The following UNKL variants were observed in gnomAD, a reference collection of about 807,000 sequenced individuals.
UNKL encodes unk like zinc finger, also known as putative E3 ubiquitin-protein ligase UNKL.
UNKL carries 60 observed loss-of-function variants against 78.0 expected under a neutral mutation model. The observed-to-expected ratio is 0.77, with a 90% CI of 0.63 to 0.95. The LOEUF is 0.95. UNKL is among the 40% of genes least tolerant of loss of function. The pLI is 0.00. For missense variants in UNKL, 1,159 were observed against 1,045.7 expected, an observed-to-expected ratio of 1.11 and a Z score of -1.49; for synonymous variants, 608 against 474.8, an observed-to-expected ratio of 1.28 and a Z score of -3.65.
chr16:1,393,501 C>A (rs927303989), intron 7 of UNKL, among the ~76,000 whole-genome samples: 1 of 152,160 alleles, frequency 6.6e-6, no homozygotes, highest in Non-Finnish European at 1.5e-5. Flanking sequence ...AGAAGGAAAC[C>A]CACTGCAGCG....
chr16:1,375,681 G>A (rs1024448642), intron 10 of UNKL, among the ~76,000 whole-genome samples: 1 of 152,198 alleles, frequency 6.6e-6, no homozygotes, highest in African/African-American at 2.4e-5. Context: ...GGGCAGCCAG[G>A]CCAAGACCCC....
At chr16:1,396,246 A>G (rs2037255051) in intron 6 of UNKL, among the ~76,000 whole-genome samples, 1 of 145,520 alleles carries the variant, frequency 6.9e-6, no homozygotes, top group Admixed American at 6.9e-5. Flanking sequence ...TGGCCTGAAC[A>G]TGTGTTTTGT....
intron 2 of UNKL, among the ~76,000 whole-genome samples, chr16:1,405,581 A>G (rs2037718844): frequency 1.3e-5 from 2 of 152,118 alleles, no homozygotes; most frequent in South Asian, 4.2e-4. Flanking sequence ...CATCTCAAAA[A>G]AAAAAAAGAA....
chr16:1,380,951 A>C (rs1407507993), intron 10 of UNKL, among the ~76,000 whole-genome samples: 1 of 152,172 alleles, frequency 6.6e-6, no homozygotes, highest in Non-Finnish European at 1.5e-5. Context: ...CTGGGATTAC[A>C]GGCGTGAGCC....
rs1421332761 is a variant in UNKL at position 1,393,080 on chromosome 16, T to C, written c.938-104A>G. 4 of 1,208,112 alleles carry C rather than the reference T, an allele frequency of 3.3e-6. No homozygotes were observed. In the East Asian group the frequency reaches 1.0e-4, roughly 31 times the overall value. The allele number at this position is 1,208,112 out of a possible 1,614,324, so 74.8% of individuals were successfully genotyped here. A position where few individuals can be genotyped will look rare whatever the true frequency, so the allele number is the denominator to read the frequency against. ...TCAGGGCCGAGTGTGCGCAGCCTCG[T>C]CACAATCATCCCTCAGGGGTGCGGC... is the stretch of plus-strand genomic sequence containing the variant. On this transcript the variant is annotated intron_variant, in intron 7 of 14. Coordinates refer to ENST00000389221, the MANE Select transcript of UNKL (RefSeq NM_001372107.1).
intron 6 of UNKL, among the ~76,000 whole-genome samples, chr16:1,396,424 C>T (rs1481755102): frequency 6.6e-6 from 1 of 150,908 alleles, no homozygotes; most frequent in East Asian, 1.9e-4. Context: ...GTAGCTAGGA[C>T]TACAGGCGCG....
At chr16:1,371,277 A>C (rs2035815193) in intron 11 of UNKL, among the ~76,000 whole-genome samples, 1 of 152,160 alleles carries the variant, frequency 6.6e-6, no homozygotes, top group Middle Eastern at 3.2e-3. Flanking sequence ...TGAGGAGTCC[A>C]TGTGCAGGGG....
chr16:1,370,361 G>A lies in UNKL; in HGVS notation c.1358-4C>T. 6.5e-7 allele frequency: 1 copy of A among 1,532,470 alleles called. No homozygotes were observed. The highest frequency in any genetic ancestry group is 1.2e-5 in the South Asian group (1 of 83,888). 94.9% of individuals were successfully genotyped at this position (1,532,470 alleles called of 1,614,324 possible). ...GAGCCGGCCAGCGACCTGGGACCTG[G>A]CGGGGGCGGACCAGTCAGCGAAGGG... On this transcript the variant is annotated splice_region_variant and splice_polypyrimidine_tract_variant and intron_variant, in intron 11 of 14. Coordinates refer to ENST00000389221, the MANE Select transcript of UNKL (RefSeq NM_001372107.1).
chr16:1,405,162 T>C (rs1412662362), intron 2 of UNKL, among the ~76,000 whole-genome samples: 1 of 147,898 alleles, frequency 6.8e-6, no homozygotes, highest in Non-Finnish European at 1.5e-5. Flanking sequence ...GCCACCACAC[T>C]TCAGCATGGG....
In UNKL at chr16:1,403,017, T is replaced by G; in HGVS notation, c.464+151A>C. 1 of 1,057,448 alleles carries G rather than the reference T, an allele frequency of 9.5e-7. No homozygotes were observed. Among genetic ancestry groups the G allele is most frequent in the East Asian group, 2.7e-5 (1 of 37,456 alleles). The allele number at this position is 1,057,448 out of a possible 1,614,324, so 65.5% of individuals were successfully genotyped here. A position where few individuals can be genotyped will look rare whatever the true frequency, so the allele number is the denominator to read the frequency against. On this transcript the variant is annotated intron_variant, in intron 3 of 14. Coordinates refer to ENST00000389221, the MANE Select transcript of UNKL (RefSeq NM_001372107.1). This position sits in a 1 kb window ranked among gnomAD's most constrained non-coding sequence, Gnocchi z 4.8. ...AAAAAAAGCAAAAAAAGGACTAACA[T>G]CCAGACTCAGAAAGAAATTCTGGAG...
chr16:1,368,373 C>T (rs1264495924), intron 12 of UNKL, among the ~76,000 whole-genome samples: 10 of 151,978 alleles, frequency 6.6e-5, no homozygotes, highest in Non-Finnish European at 1.3e-4. Flanking sequence ...GAGGCCGAGG[C>T]GGGTGGATCA....
At chr16:1,392,785 G>C in intron 8 of UNKL, 106 bp downstream of exon 8, 1 of 1,337,496 alleles carries the variant, frequency 7.5e-7, no homozygotes, top group Non-Finnish European at 1.0e-6. Context: ...GAACTCCACA[G>C]ACTGCCCACG....
intron 2 of UNKL, among the ~76,000 whole-genome samples, chr16:1,410,841 T>C (rs1364773244): frequency 6.6e-6 from 1 of 152,164 alleles, no homozygotes. Context: ...TAAAAACCAA[T>C]TCAATTATGC....
chr16:1,379,210 C>A (rs1347123815), intron 10 of UNKL: 5 of 153,036 alleles, frequency 3.3e-5, no homozygotes, highest in Non-Finnish European at 7.3e-5. Context: ...GAGCCGCCGA[C>A]GCCAGGGAAA....
chr16:1,398,228 G>T, intron 5 of UNKL: 1 of 848,164 alleles, frequency 1.2e-6, no homozygotes, highest in Non-Finnish European at 1.4e-6. Flanking sequence ...AGTGAGCTGA[G>T]ACTGCACCAC....
chr16:1,398,445 C>T (rs2037370651), intron 5 of UNKL: 3 of 1,104,550 alleles, frequency 2.7e-6, no homozygotes, highest in Non-Finnish European at 3.3e-6. Flanking sequence ...GTTCTACAGC[C>T]GTTCAGGTCC....
chr16:1,381,995 TGTG>T (rs2036623513), intron 10 of UNKL, among the ~76,000 whole-genome samples: 1 of 152,190 alleles, frequency 6.6e-6, no homozygotes, highest in Non-Finnish European at 1.5e-5. Context: ...GGCCGTCACC[TGTG>T]GTGATCTCCA....
intron 12 of UNKL, among the ~76,000 whole-genome samples, chr16:1,369,652 A>G (rs2035622762): frequency 6.6e-6 from 1 of 152,214 alleles, no homozygotes. Context: ...TACAGGTGTG[A>G]GCCACTGCAC....
intron 4 of UNKL, 91 bp downstream of exon 4, chr16:1,401,477 C>A: frequency 7.4e-7 from 1 of 1,355,952 alleles, no homozygotes; most frequent in Non-Finnish European, 9.6e-7. Flanking sequence ...TGCACGTAAA[C>A]TGAAAGGCAC....
Sources: gnomAD v4.1 joint callset for allele counts (sites outside exome capture counted in the v4.1 genomes callset) on GRCh38, gnomAD v4.1.1 for gene constraint, Gnocchi (gnomAD v3.1) non-coding constraint, MANE v1.5 for transcripts, NCBI Gene and HGNC (gene_info 2026-07-23, HGNC 2026-07-21) for gene names.